The following ARID1B variants were observed in gnomAD, a reference collection of about 807,000 sequenced individuals.
ARID1B encodes AT-rich interactive domain-containing protein 1B.
Under a neutral mutation model 212.3 loss-of-function variants are expected in ARID1B, and 30 were observed. The observed-to-expected ratio is 0.14, with a 90% CI of 0.11 to 0.19. ARID1B has a LOEUF of 0.19. Among genes scored for constraint, ARID1B ranks in the 10% least tolerant of loss-of-function variants. The pLI is 1.00. For synonymous variants in ARID1B, 1,402 were observed against 1,301.7 expected, an observed-to-expected ratio of 1.08 and a Z score of -1.66; for missense variants, 2,891 against 3,204.0, an observed-to-expected ratio of 0.90 and a Z score of 2.36.
chr6:157,037,567 T>C (rs1401661038), intron 4 of ARID1B, among the ~76,000 whole-genome samples: 1 of 152,122 alleles, frequency 6.6e-6, no homozygotes, highest in African/African-American at 2.4e-5. Flanking sequence ...ATGAAAAATA[T>C]CTGAGGAAGC....
chr6:157,148,537 A>T lies in ARID1B; in HGVS notation c.2762-87A>T. On this transcript the variant is annotated intron_variant, in intron 7 of 19. Transcript: ENST00000636930. This position sits in a 1 kb window ranked among gnomAD's most constrained non-coding sequence, Gnocchi z 5.6. Reference sequence around the variant, plus strand: ...CGGTCATGACTAATACTCCGTGCTGATCGCATTGTTGGACAAAAAGTATTT... The same window carrying T: ...CGGTCATGACTAATACTCCGTGCTGTTCGCATTGTTGGACAAAAAGTATTT... 2 of 1,425,460 alleles carry T rather than the reference A, an allele frequency of 1.4e-6. No homozygotes were observed. The highest frequency in any genetic ancestry group is 1.4e-5 in the African/African-American group (1 of 70,832). The allele number at this position is 1,425,460 out of a possible 1,614,324, so 88.3% of individuals were successfully genotyped here.
chr6:156,871,539 C>T, intron 2 of ARID1B: 1 of 1,370,558 alleles, frequency 7.3e-7, no homozygotes, highest in Non-Finnish European at 1.0e-6. Flanking sequence ...AATTAATAAG[C>T]CACAGGGCCA....
rs77518215 is a variant in ARID1B, at chr6:157,144,421, C to T, written c.2762-4203C>T. The stretch of plus-strand genomic sequence containing the variant: ...TTTCTTACCAACTGAGTCACTTATC[C>T]AGTGTTAGGGGAGGGTGGAAACTAG... On this transcript the variant is annotated intron_variant, in intron 7 of 19. Coordinates refer to ENST00000636930, the MANE Select transcript of ARID1B (RefSeq NM_001374828.1). 1.8e-4 allele frequency among the ~76,000 whole-genome samples: 28 copies of T among 152,260 alleles called. No homozygotes were observed. The East Asian group carries it at 4.4e-3, about 24-fold the overall frequency.
intron 5 of ARID1B, among the ~76,000 whole-genome samples, chr6:157,102,208 T>C (rs1435489660): frequency 6.6e-5 from 10 of 152,192 alleles, no homozygotes; most frequent in Non-Finnish European, 1.5e-4. Context: ...GGGAATCCTA[T>C]TCACCTCATG....
At chr6:157,091,996 T>C (rs555944302) in intron 5 of ARID1B, among the ~76,000 whole-genome samples, 1 of 152,292 alleles carries the variant, frequency 6.6e-6, no homozygotes, top group African/African-American at 2.4e-5. Flanking sequence ...TGCAACAGCT[T>C]GTTGCAAGGA....
intron 2 of ARID1B, among the ~76,000 whole-genome samples, chr6:156,864,268 C>T (rs866427193): frequency 1.4e-4 from 21 of 152,036 alleles, no homozygotes; most frequent in African/African-American, 4.4e-4. Flanking sequence ...ATCTTGCAGC[C>T]CTCTGAGTGG....
At chr6:156,807,006 T>C (rs1239202833) in intron 1 of ARID1B, among the ~76,000 whole-genome samples, 1 of 152,230 alleles carries the variant, frequency 6.6e-6, no homozygotes, top group African/African-American at 2.4e-5. Context: ...CATTTAAAAA[T>C]GTAAAACATA....
chr6:156,917,478 G>A (rs1393925469), intron 3 of ARID1B, among the ~76,000 whole-genome samples: 2 of 152,084 alleles, frequency 1.3e-5, no homozygotes, highest in African/African-American at 2.4e-5. Context: ...TGATTCTAGT[G>A]TTGTGAGGCT....
intron 4 of ARID1B, among the ~76,000 whole-genome samples, chr6:156,983,077 AGAGT>A (rs1393138388): frequency 6.6e-6 from 1 of 151,458 alleles, no homozygotes; most frequent in Non-Finnish European, 1.5e-5. Context: ...TCCGGGCAAC[AGAGT>A]GAGACCCTGT....
intron 1 of ARID1B, among the ~76,000 whole-genome samples, chr6:156,805,285 T>TGTA (rs1781075817): frequency 6.6e-6 from 1 of 152,154 alleles, no homozygotes; most frequent in Non-Finnish European, 1.5e-5. Flanking sequence ...GTGCTGGATG[T>TGTA]GTAGTGAGGG....
intron 1 of ARID1B, among the ~76,000 whole-genome samples, chr6:156,798,086 T>C (rs1028337258): frequency 6.6e-6 from 1 of 152,240 alleles, no homozygotes; most frequent in Admixed American, 6.5e-5. Flanking sequence ...GAGAGATGGA[T>C]AGGAAGCCAG....
chr6:156,826,547 AG>A (rs2128037089), intron 1 of ARID1B, among the ~76,000 whole-genome samples: 1 of 152,236 alleles, frequency 6.6e-6, no homozygotes, highest in Admixed American at 6.5e-5. Flanking sequence ...TGAACACCAG[AG>A]TATTGAGGAA....
chr6:156,897,130 A>C (rs1018152525), intron 2 of ARID1B, among the ~76,000 whole-genome samples: 1 of 151,750 alleles, frequency 6.6e-6, no homozygotes, highest in East Asian at 1.9e-4. Flanking sequence ...GTGTGTGTTC[A>C]TGTCTTAAAG....
intron 4 of ARID1B, among the ~76,000 whole-genome samples, chr6:156,958,905 G>A (rs1408268314): frequency 6.6e-6 from 1 of 152,134 alleles, no homozygotes; most frequent in African/African-American, 2.4e-5. Context: ...AAATAAAGGA[G>A]CCCCTTTCTT....
intron 4 of ARID1B, chr6:156,938,517 G>A (rs991918694): frequency 1.3e-4 from 20 of 152,132 alleles, no homozygotes; most frequent in Admixed American, 9.8e-4. Flanking sequence ...TTGGAATTAA[G>A]TATATTGTGT....
chr6:156,864,644 G>A (rs1785556888), intron 2 of ARID1B, among the ~76,000 whole-genome samples: 1 of 152,162 alleles, frequency 6.6e-6, no homozygotes, highest in African/African-American at 2.4e-5. Context: ...GCTCTTTGAG[G>A]ATACCTTCAT....
chr6:156,876,774 A>G (rs899156983), intron 2 of ARID1B, among the ~76,000 whole-genome samples: 3 of 152,196 alleles, frequency 2.0e-5, no homozygotes, highest in Non-Finnish European at 2.9e-5. Flanking sequence ...TGTATCTGCC[A>G]GTTATCGCCC....
chr6:157,155,843 A>G (rs1790540744), intron 8 of ARID1B, among the ~76,000 whole-genome samples: 2 of 152,144 alleles, frequency 1.3e-5, no homozygotes, highest in African/African-American at 4.8e-5. Context: ...TCTATTTACA[A>G]ATGCAAATGA....
intron 2 of ARID1B, among the ~76,000 whole-genome samples, chr6:156,891,671 A>G (rs1276854692): frequency 6.6e-6 from 1 of 152,152 alleles, no homozygotes; most frequent in Non-Finnish European, 1.5e-5. Context: ...ATAGTGTAAA[A>G]TGAGGATTGT....
Sources: gnomAD v4.1 joint callset for allele counts (sites outside exome capture counted in the v4.1 genomes callset) on GRCh38, gnomAD v4.1.1 for gene constraint, Gnocchi (gnomAD v3.1) non-coding constraint, MANE v1.5 for transcripts, NCBI Gene and HGNC (gene_info 2026-07-23, HGNC 2026-07-21) for gene names.